PLD5: variants seen among roughly 807,000 people sequenced by gnomAD.
PLD5 encodes phospholipase D family member 5.
In PLD5, 36 loss-of-function variants were observed where a neutral mutation model predicts 61.1. The ratio of observed to expected loss-of-function variants is 0.59; its 90% confidence interval spans 0.45 to 0.78. The LOEUF is 0.78. Among genes scored for constraint, PLD5 ranks in the 30% least tolerant of loss-of-function variants. The pLI, the probability that PLD5 is intolerant of heterozygous loss-of-function variation, is 0.00. For synonymous variants in PLD5, 243 were observed against 242.8 expected (o/e 1.00, Z -0.01); for missense variants, 515 against 644.4 (o/e 0.80, Z 2.17).
chr1:242,303,354 G>A (rs571480009), intron 2 of PLD5, among the ~76,000 whole-genome samples: 1 of 152,292 alleles, frequency 6.6e-6, no homozygotes, highest in South Asian at 2.1e-4. Flanking sequence ...AGATGAAATT[G>A]AAGTTACAAC....
chr1:242,315,144 A>G (rs2439059), intron 2 of PLD5, among the ~76,000 whole-genome samples: 1 of 152,206 alleles, frequency 6.6e-6, no homozygotes, highest in Non-Finnish European at 1.5e-5. Context: ...TCAGATGTTT[A>G]GCCTCTGCAG....
At chr1:242,225,787 C>T (rs1181356175) in intron 4 of PLD5, among the ~76,000 whole-genome samples, 3 of 152,234 alleles carry the variant, frequency 2.0e-5, no homozygotes, top group African/African-American at 4.8e-5. Context: ...AGTTGAGAAA[C>T]ATTTGGGTAG....
chr1:242,328,610 G>A (rs1302793674), intron 2 of PLD5, among the ~76,000 whole-genome samples: 2 of 152,188 alleles, frequency 1.3e-5, no homozygotes, highest in African/African-American at 4.8e-5. Flanking sequence ...ACAGTGATGA[G>A]TTGTAGTTTG....
Position 242,397,029 on chromosome 1 carries a change from T to C in PLD5, c.190-48787A>G, listed in dbSNP as rs1329770691. 2.0e-5 allele frequency among the ~76,000 whole-genome samples: 3 copies of C among 152,094 alleles called. No individual in the cohort carries two copies. The East Asian group carries it at 5.8e-4, about 29-fold the overall frequency. On this transcript the variant is annotated intron_variant, in intron 1 of 9. Transcript: ENST00000536534. ...CTCTTTTTCAGTCTCCTTTGTTAGT[T>C]TCTATTCTCTTTTATATAGCTACAT...
At chr1:242,372,088 T>C (rs995898605) in intron 1 of PLD5, among the ~76,000 whole-genome samples, 3 of 152,200 alleles carry the variant, frequency 2.0e-5, no homozygotes, top group African/African-American at 4.8e-5. Context: ...TGTGTTCTCA[T>C]TGAAGATGTA....
intron 1 of PLD5, among the ~76,000 whole-genome samples, chr1:242,391,846 G>T (rs1203677974): frequency 6.6e-6 from 1 of 152,126 alleles, no homozygotes. Flanking sequence ...CATACAAAAG[G>T]CAGAGATTTC....
chr1:242,187,023 T>A (rs991395558), intron 5 of PLD5, among the ~76,000 whole-genome samples: 1 of 152,166 alleles, frequency 6.6e-6, no homozygotes, highest in African/African-American at 2.4e-5. Flanking sequence ...GAGATTAAAA[T>A]CAAATCTGAA....
intron 1 of PLD5, among the ~76,000 whole-genome samples, chr1:242,379,997 G>A (rs1344660015): frequency 6.6e-6 from 1 of 152,106 alleles, no homozygotes; most frequent in Non-Finnish European, 1.5e-5. Flanking sequence ...TATTATCTGT[G>A]GCTATTGCTT....
rs116154004 is a variant in PLD5 at position 242,403,094 on chromosome 1, C to T, written c.190-54852G>A. Among the ~76,000 whole-genome samples the T allele has an allele frequency of 7.3e-3, 1,107 of 152,298 alleles. 11 individuals are homozygous for T. Among genetic ancestry groups the T allele is most frequent in the African/African-American group, 0.025 (1,057 of 41,560 alleles). On this transcript the variant is annotated intron_variant, in intron 1 of 9. Coordinates refer to ENST00000536534, the MANE Select transcript of PLD5 (RefSeq NM_001372062.1). ...AACATGTGGAGGTTAGTTTTTCTTT[C>T]GGAAAGATGCTTAATCATCCCTTTC... is the stretch of plus-strand genomic sequence containing the variant.
At chr1:242,502,605 C>T (rs865864846) in intron 1 of PLD5, among the ~76,000 whole-genome samples, 3 of 152,140 alleles carry the variant, frequency 2.0e-5, no homozygotes, top group Middle Eastern at 6.8e-3. Context: ...TACAACTAAT[C>T]AATTACATAA....
rs146940664 is a variant in PLD5 at position 242,109,801 on chromosome 1, C to A, written c.1071-1962G>T. Among the ~76,000 whole-genome samples, 442 of 152,056 alleles carry A rather than the reference C, an allele frequency of 2.9e-3. 3 individuals are homozygous for A. Among genetic ancestry groups the A allele is most frequent in the Non-Finnish European group, 4.8e-3 (325 of 67,988 alleles). On this transcript the variant is annotated intron_variant, in intron 7 of 9. Transcript: ENST00000536534. ...CAATGGGCTTCTTCTAACCCTGAAGCTGTGCCGCGGGGCTCTTTCACCTAG... is the reference window on the plus strand; with the variant it reads ...CAATGGGCTTCTTCTAACCCTGAAGATGTGCCGCGGGGCTCTTTCACCTAG...
intron 1 of PLD5, among the ~76,000 whole-genome samples, chr1:242,401,084 A>G (rs1296485336): frequency 6.6e-6 from 1 of 152,050 alleles, no homozygotes; most frequent in African/African-American, 2.4e-5. Context: ...ACTTCCCCAA[A>G]TTCTGTTCTT....
chr1:242,349,052 TCAAACAAA>T (rs567551466), intron 1 of PLD5, among the ~76,000 whole-genome samples: 3 of 152,094 alleles, frequency 2.0e-5, no homozygotes, highest in African/African-American at 7.2e-5. Context: ...AGACTCCATC[TCAAACAAA>T]CAAACAAACA....
intron 3 of PLD5, among the ~76,000 whole-genome samples, chr1:242,276,414 AC>A (rs956717046): frequency 2.7e-5 from 1 of 36,506 alleles, no homozygotes; most frequent in Non-Finnish European, 8.1e-5. Flanking sequence ...CATATTGTAT[AC>A]ATTTGTATAT....
chr1:242,212,708 C>A (rs1669909816), intron 5 of PLD5, among the ~76,000 whole-genome samples: 1 of 152,220 alleles, frequency 6.6e-6, no homozygotes, highest in South Asian at 2.1e-4. Context: ...GGCCTGCCTG[C>A]TCAGCTCTCC....
intron 1 of PLD5, among the ~76,000 whole-genome samples, chr1:242,520,646 C>G (rs1392961978): frequency 1.3e-5 from 2 of 152,172 alleles, no homozygotes; most frequent in African/African-American, 4.8e-5. Context: ...TGGCATAAAA[C>G]CAGGCAACAA....
chr1:242,246,458 T>C (rs1672361438), intron 4 of PLD5, among the ~76,000 whole-genome samples: 1 of 136,078 alleles, frequency 7.3e-6, no homozygotes, highest in South Asian at 2.4e-4. Context: ...GCCCCCACCC[T>C]ATACTTGCAT....
chr1:242,317,070 C>T (rs889088367), intron 2 of PLD5, among the ~76,000 whole-genome samples: 3 of 151,190 alleles, frequency 2.0e-5, no homozygotes, highest in Non-Finnish European at 4.4e-5. Context: ...TGCAATGATG[C>T]AATCTTGGCT....
chr1:242,209,685 C>T lies in PLD5; in HGVS notation c.735+10303G>A, dbSNP rs574838006. Among the ~76,000 whole-genome samples, 459 of 149,712 alleles carry T rather than the reference C, an allele frequency of 3.1e-3. 2 individuals carry two copies. The highest frequency in any genetic ancestry group is 0.011 in the African/African-American group (435 of 40,978). On this transcript the variant is annotated intron_variant, in intron 5 of 9. Coordinates refer to ENST00000536534, the MANE Select transcript of PLD5 (RefSeq NM_001372062.1). ...TTCCCCTGTCTCTCTCTCCTTGGGC[C>T]GCCTATTTCCTAAGACAACAACATT...
Sources: allele counts gnomAD v4.1 joint callset (sites outside exome capture counted in the v4.1 genomes callset), GRCh38; gene constraint gnomAD v4.1.1; transcripts MANE v1.5; gene names NCBI Gene and HGNC (gene_info 2026-07-23, HGNC 2026-07-21).